The following NID1 variants were observed in gnomAD, a reference collection of about 807,000 sequenced individuals.
NID1 encodes nidogen-1.
In NID1, 76 loss-of-function variants were observed where a neutral mutation model predicts 130.6. The ratio of observed to expected loss-of-function variants is 0.58; its 90% CI spans 0.48 to 0.70. NID1 has a LOEUF of 0.70. Among genes scored for constraint, NID1 ranks in the 30% least tolerant of loss-of-function variants. NID1 has a pLI of 0.00. For missense variants in NID1, 1,517 were observed against 1,664.8 expected (o/e 0.91, Z 1.54); for synonymous variants, 665 against 675.1 (o/e 0.98, Z 0.23).
rs1657304838 is a variant in NID1, at chr1:235,977,547, C to G, written c.*320G>C. The G allele has an allele frequency of 1.3e-5, 3 of 238,922 alleles. No individual in the cohort carries two copies. In the South Asian group the frequency reaches 2.0e-4, roughly 16 times the overall value. The allele number at this position is 238,922 out of a possible 1,614,324, so 14.8% of individuals were successfully genotyped here. On this transcript the variant is annotated 3_prime_UTR_variant, in exon 20 of 20. Coordinates refer to ENST00000264187, the MANE Select transcript of NID1 (RefSeq NM_002508.3). ...CAAATTTGGGAGGTTCTGTTCACCA[C>G]TGGGGGGCTAGTATTGGGAAAAGGT... is the stretch of plus-strand genomic sequence containing the variant.
intron 1 of NID1, among the ~76,000 whole-genome samples, chr1:236,054,392 G>C (rs1282302600): frequency 1.3e-5 from 2 of 152,008 alleles, no homozygotes; most frequent in Non-Finnish European, 2.9e-5. Context: ...GGAGGTGGAG[G>C]TTACAGTGAG....
At chr1:236,036,054 G>A (rs1659248644) in intron 5 of NID1, among the ~76,000 whole-genome samples, 2 of 152,118 alleles carry the variant, frequency 1.3e-5, no homozygotes, top group Admixed American at 1.3e-4. Context: ...ATCTGAGCTG[G>A]CTGCCAAACA....
chr1:235,991,807 GC>G (rs1413844560), intron 13 of NID1, among the ~76,000 whole-genome samples: 1 of 152,200 alleles, frequency 6.6e-6, no homozygotes, highest in African/African-American at 2.4e-5. Context: ...AAACTATTGA[GC>G]TTTTCCATGC....
At chr1:235,981,586 C>G (rs948771531) in intron 16 of NID1, 25 bp downstream of exon 16, 1 of 1,596,172 alleles carries the variant, frequency 6.3e-7, no homozygotes, top group African/African-American at 1.3e-5. Context: ...CAAAGAGATG[C>G]ACACACATAT....
At chr1:236,034,422 C>CAAAAAAAAA (rs144657585) in intron 5 of NID1, among the ~76,000 whole-genome samples, 1,336 of 92,474 alleles carry the variant, frequency 0.014, 10 homozygotes, top group Middle Eastern at 0.022. Context: ...AACTCCATCT[C>CAAAAAAAAA]AAAAAAAAAA....
chr1:236,033,045 T>C (rs1659146631), intron 5 of NID1, among the ~76,000 whole-genome samples: 1 of 152,192 alleles, frequency 6.6e-6, no homozygotes, highest in South Asian at 2.1e-4. Flanking sequence ...TGGTGGCTCA[T>C]GCCTGTAATC....
chr1:236,037,267 G>A (rs182265476), intron 5 of NID1, among the ~76,000 whole-genome samples: 2 of 152,250 alleles, frequency 1.3e-5, no homozygotes, highest in African/African-American at 4.8e-5. Flanking sequence ...CACCAGGAAA[G>A]AGAGACAGGA....
At chr1:236,013,858 C>T (rs1459997960) in intron 10 of NID1, among the ~76,000 whole-genome samples, 1 of 150,024 alleles carries the variant, frequency 6.7e-6, no homozygotes, top group African/African-American at 2.5e-5. Context: ...AAACTAGATC[C>T]CCATCACAGG....
intron 3 of NID1, among the ~76,000 whole-genome samples, chr1:236,043,885 A>G (rs1450756544): frequency 6.6e-6 from 1 of 152,204 alleles, no homozygotes; most frequent in Non-Finnish European, 1.5e-5. Context: ...TTTGGTGCTT[A>G]AAGGATATGG....
At chr1:235,997,800 G>A (rs1657970867) in intron 12 of NID1, among the ~76,000 whole-genome samples, 3 of 151,908 alleles carry the variant, frequency 2.0e-5, no homozygotes, top group South Asian at 2.1e-4. Context: ...TAGAGACGGG[G>A]TTTCACTATG....
chr1:235,990,226 G>C (rs1657692956), intron 14 of NID1, among the ~76,000 whole-genome samples: 1 of 152,196 alleles, frequency 6.6e-6, no homozygotes, highest in South Asian at 2.1e-4. Flanking sequence ...AGAGAAAGGA[G>C]GAAGAGAAGA....
chr1:236,045,762 T>G lies in NID1; in HGVS notation c.526-79A>C, dbSNP rs1659584003. The G allele has an allele frequency of 7.8e-6, 9 of 1,153,368 alleles. No individual in the cohort carries two copies. In the Admixed American group the frequency reaches 1.2e-4, roughly 16 times the overall value. The allele number at this position is 1,153,368 out of a possible 1,614,324, so 71.4% of individuals were successfully genotyped here. ...AATGTGTTATTCGCCAGACTATCTA[T>G]AAAGCGTACAGTGCTATAGAGCGAT... is the stretch of plus-strand genomic sequence containing the variant. On this transcript the variant is annotated intron_variant, in intron 2 of 19. Transcript: ENST00000264187.
At position 236,041,864 on chromosome 1, in the gene NID1, C is replaced by T. The variant is rs1471132741; in HGVS notation, c.1135+46G>A. 6 of 1,559,670 alleles carry T rather than the reference C, an allele frequency of 3.8e-6. No homozygotes were observed. In the South Asian group the frequency reaches 4.9e-5, roughly 13 times the overall value. ...CCCCAGCAGTACGCCTGTCTGGAAG[C>T]CCACACATCCAAGATCGTTACCAAC... On this transcript the variant is annotated intron_variant, in intron 4 of 19. Coordinates refer to ENST00000264187, the MANE Select transcript of NID1 (RefSeq NM_002508.3).
intron 14 of NID1, among the ~76,000 whole-genome samples, chr1:235,989,033 TC>T (rs772567175): frequency 1.2e-3 from 187 of 151,614 alleles, no homozygotes; most frequent in South Asian, 1.9e-3. Flanking sequence ...GTTTCAGCAT[TC>T]CCCCTTCCAC....
At chr1:236,045,755 C>A in intron 2 of NID1, 72 bp from the exon 3 acceptor site, 1 of 1,230,596 alleles carries the variant, frequency 8.1e-7, no homozygotes. Flanking sequence ...ATTCGCCAGA[C>A]TATCTATAAA....
At chr1:236,012,171 C>T in intron 11 of NID1, 128 bp from the exon 12 acceptor site, 1 of 1,108,796 alleles carries the variant, frequency 9.0e-7, no homozygotes, top group Non-Finnish European at 1.3e-6. Context: ...TAATCCAAAA[C>T]TCACTAAACA....
chr1:236,019,962 AGGG>A (rs1302102741), intron 9 of NID1, among the ~76,000 whole-genome samples: 1 of 146,512 alleles, frequency 6.8e-6, no homozygotes, highest in Non-Finnish European at 1.5e-5. Context: ...GCTTGAACCC[AGGG>A]GGTGGAGGTT....
chr1:236,034,111 GATA>G (rs1257176392), intron 5 of NID1, among the ~76,000 whole-genome samples: 1 of 152,094 alleles, frequency 6.6e-6, no homozygotes, highest in Non-Finnish European at 1.5e-5. Context: ...CATTCATTAA[GATA>G]TTATTTAACT....
At chr1:236,046,652 G>T (rs946427946) in intron 2 of NID1, among the ~76,000 whole-genome samples, 37 of 152,132 alleles carry the variant, frequency 2.4e-4, no homozygotes, top group African/African-American at 8.7e-4. Flanking sequence ...CATGTAATTT[G>T]GTATAGCGGC....
Sources: allele counts gnomAD v4.1 joint callset (sites outside exome capture counted in the v4.1 genomes callset), GRCh38; gene constraint gnomAD v4.1.1; transcripts MANE v1.5; gene names NCBI Gene and HGNC (gene_info 2026-07-23, HGNC 2026-07-21).